WWOX: variants seen among roughly 807,000 people sequenced by gnomAD.
WWOX encodes the protein WW domain-containing oxidoreductase.
Under a neutral mutation model 46.2 loss-of-function variants are expected in WWOX, and 69 were observed. That is an observed-to-expected ratio of 1.49 (90% CI 1.23 to 1.82). The LOEUF is 1.82. Ranked by LOEUF, WWOX falls within the 40% of genes most tolerant of loss-of-function variation. The probability of loss-of-function intolerance (pLI) is 0.00; values close to 1 mark genes in which losing one functional copy is unlikely to be tolerated. For synonymous variants in WWOX, 359 were observed against 202.6 expected, an observed-to-expected ratio of 1.77 and a Z score of -6.56; for missense variants, 919 against 542.6, an observed-to-expected ratio of 1.69 and a Z score of -6.89.
chr16:79,086,345 C>A (rs2048853596), intron 8 of WWOX, among the ~76,000 whole-genome samples: 1 of 152,090 alleles, frequency 6.6e-6, no homozygotes, highest in Non-Finnish European at 1.5e-5. Context: ...ATGCAAAAGT[C>A]AAATTTGTGC....
chr16:78,946,708 G>C lies in WWOX; in HGVS notation c.1057-264900G>C, dbSNP rs555043966. 2.0e-5 allele frequency among the ~76,000 whole-genome samples: 3 copies of C among 152,202 alleles called. No homozygotes were observed. In the South Asian group the frequency reaches 6.2e-4, roughly 32 times the overall value. On this transcript the variant is annotated intron_variant, in intron 8 of 8. Coordinates refer to ENST00000566780, the MANE Select transcript of WWOX (RefSeq NM_016373.4). ...GCCTGGAAAACTGTGTGGTGCGTCT[G>C]TTTTTCAGAGCGTTGAGAGTCATGC... is the stretch of plus-strand genomic sequence containing the variant.
At chr16:78,269,914 G>GTTTTTTTTTT (rs71137883) in intron 5 of WWOX, among the ~76,000 whole-genome samples, 14 of 125,670 alleles carry the variant, frequency 1.1e-4, no homozygotes, top group South Asian at 2.9e-4. Flanking sequence ...ACATAAGGAA[G>GTTTTTTTTTT]TTTTTTTTTT....
intron 8 of WWOX, among the ~76,000 whole-genome samples, chr16:79,199,157 G>C (rs971466245): frequency 2.6e-5 from 4 of 152,180 alleles, no homozygotes; most frequent in African/African-American, 7.2e-5. Context: ...CTGCCTCCTG[G>C]CTTCAAGCCA....
chr16:78,184,861 T>C (rs575415978), intron 5 of WWOX, among the ~76,000 whole-genome samples: 33 of 152,340 alleles, frequency 2.2e-4, no homozygotes, highest in Middle Eastern at 3.4e-3. Flanking sequence ...CAGTCTAAGT[T>C]ATGCTGTAAT....
At chr16:78,885,942 T>TTTG (rs59076722) in intron 8 of WWOX, among the ~76,000 whole-genome samples, 2 of 150,636 alleles carry the variant, frequency 1.3e-5, no homozygotes, top group Non-Finnish European at 3.0e-5. Context: ...TTTTTTTTTT[T>TTTG]GAGACAGAGT....
chr16:78,607,274 A>G (rs938997339), intron 8 of WWOX, among the ~76,000 whole-genome samples: 9 of 152,228 alleles, frequency 5.9e-5, no homozygotes, highest in African/African-American at 1.9e-4. Flanking sequence ...AAACTATATT[A>G]AAAATATATA....
At chr16:78,147,411 T>C (rs1238828135) in intron 4 of WWOX, among the ~76,000 whole-genome samples, 2 of 152,126 alleles carry the variant, frequency 1.3e-5, no homozygotes, top group Non-Finnish European at 2.9e-5. Flanking sequence ...TTGATGTAGC[T>C]TCGAAGCCTG....
chr16:79,015,865 C>T (rs1471811355), intron 8 of WWOX, among the ~76,000 whole-genome samples: 2 of 152,192 alleles, frequency 1.3e-5, no homozygotes, highest in Non-Finnish European at 2.9e-5. Context: ...GATTGTCCTG[C>T]CTCAGACTCC....
intron 5 of WWOX, among the ~76,000 whole-genome samples, chr16:78,275,629 A>G (rs1597434761): frequency 6.6e-6 from 1 of 152,334 alleles, no homozygotes; most frequent in East Asian, 1.9e-4. Context: ...GCAGGCTCCC[A>G]GTAATCCCAT....
Position 79,008,064 on chromosome 16 carries a change from G to T in WWOX, c.1057-203544G>T, listed in dbSNP as rs551754108. ...AGGGTCTCATGAGGCTGAAATCAAAGCGTCAGCCAGGGATGGGGTCTTATC... is the reference window on the plus strand; with the variant it reads ...AGGGTCTCATGAGGCTGAAATCAAATCGTCAGCCAGGGATGGGGTCTTATC... On this transcript the variant is annotated intron_variant, in intron 8 of 8. Transcript: ENST00000566780. Among the ~76,000 whole-genome samples, 3 of 152,296 alleles carry T rather than the reference G, an allele frequency of 2.0e-5. No homozygotes were observed. The South Asian group carries it at 6.2e-4, about 32-fold the overall frequency.
rs1323193912 is a variant in WWOX at position 79,034,037 on chromosome 16, A to ATGG, written c.1057-177570_1057-177568dup. Among the ~76,000 whole-genome samples, 9 of 152,266 alleles carry ATGG rather than the reference A, an allele frequency of 5.9e-5. No individual in the cohort carries two copies. The East Asian group carries it at 7.7e-4, about 13-fold the overall frequency. ...GTAGTTATGTCAGGAAGCACAGGCT[A>ATGG]TGGCTCACGGCTGTGGCTGTGCCCA... On this transcript the variant is annotated intron_variant, in intron 8 of 8. Transcript: ENST00000566780.
chr16:78,684,197 A>C (rs538766824), intron 8 of WWOX, among the ~76,000 whole-genome samples: 1 of 152,290 alleles, frequency 6.6e-6, no homozygotes, highest in Admixed American at 6.5e-5. Context: ...CACTGGCATG[A>C]GTCATCTTTC....
intron 8 of WWOX, among the ~76,000 whole-genome samples, chr16:79,179,847 C>G (rs2050874847): frequency 6.6e-6 from 1 of 152,198 alleles, no homozygotes; most frequent in Non-Finnish European, 1.5e-5. Flanking sequence ...TGTCATGGAA[C>G]TTAACCAAAT....
At chr16:78,405,029 T>TC (rs1330125512) in intron 6 of WWOX, among the ~76,000 whole-genome samples, 3 of 152,166 alleles carry the variant, frequency 2.0e-5, no homozygotes, top group Admixed American at 6.5e-5. Flanking sequence ...ATTTTACATT[T>TC]CCCCCTATTT....
chr16:78,538,457 C>T (rs9635580), intron 8 of WWOX, among the ~76,000 whole-genome samples: 13,018 of 152,156 alleles, frequency 0.086, 776 homozygotes, highest in South Asian at 0.23. Flanking sequence ...GGCTTTCCCA[C>T]TGTAATGAAG....
At chr16:79,138,040 C>T (rs1218839879) in intron 8 of WWOX, among the ~76,000 whole-genome samples, 2 of 152,066 alleles carry the variant, frequency 1.3e-5, no homozygotes, top group Non-Finnish European at 1.5e-5. Flanking sequence ...TTCCATGGAC[C>T]CTGTGGGTTC....
chr16:78,519,618 C>T (rs75791067), intron 8 of WWOX, among the ~76,000 whole-genome samples: 10 of 151,990 alleles, frequency 6.6e-5, no homozygotes, highest in South Asian at 4.2e-4. Flanking sequence ...AAGGTCGTGA[C>T]GGTACTACAA....
rs116415357 is a variant in WWOX at position 78,587,788 on chromosome 16, T to A, written c.1056+155036T>A. 5.9e-3 allele frequency among the ~76,000 whole-genome samples: 892 copies of A among 152,252 alleles called. 12 individuals are homozygous for A. Among genetic ancestry groups the A allele is most frequent in the African/African-American group, 0.021 (870 of 41,540 alleles). ...AATACTGTCTTGATCTGTTATATGATCCTTAGGCCAGGACTTTTTCCTGGT... is the reference window on the plus strand; with the variant it reads ...AATACTGTCTTGATCTGTTATATGAACCTTAGGCCAGGACTTTTTCCTGGT... On this transcript the variant is annotated intron_variant, in intron 8 of 8. Coordinates refer to ENST00000566780, the MANE Select transcript of WWOX (RefSeq NM_016373.4).
intron 6 of WWOX, among the ~76,000 whole-genome samples, chr16:78,390,343 C>A (rs945673254): frequency 2.6e-5 from 4 of 152,192 alleles, no homozygotes; most frequent in Non-Finnish European, 5.9e-5. Context: ...GGGAAATCAT[C>A]AAGTTCAAGT....
Sources: gnomAD v4.1 joint callset for allele counts (sites outside exome capture counted in the v4.1 genomes callset) on GRCh38, gnomAD v4.1.1 for gene constraint, MANE v1.5 for transcripts, NCBI Gene and HGNC (gene_info 2026-07-23, HGNC 2026-07-21) for gene names.